Variants in DAPP1 observed in about 807,000 individuals in gnomAD.
DAPP1 encodes dual adapter for phosphotyrosine and 3-phosphotyrosine and 3-phosphoinositide.
Under a neutral mutation model 41.5 loss-of-function variants are expected in DAPP1, and 20 were observed. That is an observed-to-expected ratio of 0.48 (90% CI 0.34 to 0.70). DAPP1 has a LOEUF of 0.70. DAPP1 is among the 30% of genes least tolerant of loss of function. The pLI is 0.01. For synonymous variants in DAPP1, 113 were observed against 116.2 expected, an observed-to-expected ratio of 0.97 and a Z score of 0.18; for missense variants, 233 against 333.4, an observed-to-expected ratio of 0.70 and a Z score of 2.35.
chr4:99,838,755 A>G (rs137880423), intron 2 of DAPP1, among the ~76,000 whole-genome samples: 9 of 152,350 alleles, frequency 5.9e-5, no homozygotes, highest in Non-Finnish European at 1.3e-4. Flanking sequence ...CCTGCTGTAG[A>G]AGATTGAAAT....
At chr4:99,843,032 C>G (rs1723548547) in intron 3 of DAPP1, among the ~76,000 whole-genome samples, 2 of 152,164 alleles carry the variant, frequency 1.3e-5, no homozygotes, top group African/African-American at 2.4e-5. Flanking sequence ...AATGGACAAG[C>G]CCCTCCCAGG....
intron 2 of DAPP1, among the ~76,000 whole-genome samples, chr4:99,839,509 A>G (rs1358267235): frequency 1.3e-5 from 2 of 152,026 alleles, no homozygotes; most frequent in African/African-American, 4.8e-5. Flanking sequence ...TTCAGTAGGC[A>G]GTGGAACATG....
chr4:99,846,466 T>A (rs535458703), intron 3 of DAPP1, among the ~76,000 whole-genome samples: 4 of 152,236 alleles, frequency 2.6e-5, no homozygotes, highest in Non-Finnish European at 5.9e-5. Flanking sequence ...TTGTGAAGAT[T>A]GAATGAAATT....
chr4:99,819,554 G>C (rs2110131075), intron 1 of DAPP1, among the ~76,000 whole-genome samples: 1 of 152,212 alleles, frequency 6.6e-6, no homozygotes, highest in South Asian at 2.1e-4. Context: ...ACATTATAAT[G>C]ACTTTTTCTT....
At chr4:99,840,966 T>C (rs1343902302) in intron 3 of DAPP1, among the ~76,000 whole-genome samples, 2 of 152,076 alleles carry the variant, frequency 1.3e-5, no homozygotes, top group African/African-American at 4.8e-5. Flanking sequence ...CAGAAAAAAA[T>C]TCATGTGTAA....
At chr4:99,842,682 T>C (rs995951210) in intron 3 of DAPP1, among the ~76,000 whole-genome samples, 2 of 152,212 alleles carry the variant, frequency 1.3e-5, no homozygotes, top group Admixed American at 1.3e-4. Context: ...GGAGTCAGCA[T>C]TGCAGACTAT....
chr4:99,817,026 G>A lies in DAPP1; in HGVS notation c.101+12G>A. 6.3e-7 allele frequency: 1 copy of A among 1,583,738 alleles called. No individual in the cohort carries two copies. The highest frequency in any genetic ancestry group is 8.6e-7 in the Non-Finnish European group (1 of 1,164,314). On this transcript the variant is annotated intron_variant, in intron 1 of 8. Coordinates refer to ENST00000512369, the MANE Select transcript of DAPP1 (RefSeq NM_014395.3). Reference sequence around the variant, plus strand: ...CTCCAGGACTTGGGGTAAGGCAGCAGATCTCCTTTCAAAGTACCTAGTGGG... The same window carrying A: ...CTCCAGGACTTGGGGTAAGGCAGCAAATCTCCTTTCAAAGTACCTAGTGGG...
At chr4:99,829,024 C>T (rs1723034481) in intron 1 of DAPP1, among the ~76,000 whole-genome samples, 1 of 151,996 alleles carries the variant, frequency 6.6e-6, no homozygotes. Context: ...AAAAATGAAC[C>T]TATTCCCAAC....
At chr4:99,843,047 T>TC (rs977977702) in intron 3 of DAPP1, among the ~76,000 whole-genome samples, 7 of 152,226 alleles carry the variant, frequency 4.6e-5, no homozygotes, top group African/African-American at 1.7e-4. Context: ...CCCAGGGCTC[T>TC]CAACTTCAGA....
chr4:99,835,767 C>T lies in DAPP1; in HGVS notation c.224+22C>T, dbSNP rs147874376. On this transcript the variant is annotated intron_variant, in intron 2 of 8. Transcript: ENST00000512369. ...TGAGGTAAGGTGCTTCAGGGCTCTA[C>T]GACTTCAGCATGGGCTCCTCTGTCA... 1.3e-3 allele frequency: 2,026 copies of T among 1,610,448 alleles called. 26 individuals are homozygous for T. The African/African-American group carries it at 0.024, about 19-fold the overall frequency.
chr4:99,866,658 T>C, intron 8 of DAPP1: 1 of 759,230 alleles, frequency 1.3e-6, no homozygotes, highest in East Asian at 2.4e-5. Flanking sequence ...CTACTTGTTT[T>C]TCATGTGCTT....
chr4:99,855,126 G>C (rs1724000479), intron 4 of DAPP1, among the ~76,000 whole-genome samples: 1 of 152,112 alleles, frequency 6.6e-6, no homozygotes, highest in African/African-American at 2.4e-5. Flanking sequence ...AGGCAGAAAA[G>C]ACCAAAGAAC....
intron 1 of DAPP1, among the ~76,000 whole-genome samples, chr4:99,824,240 C>T (rs2110134334): frequency 6.6e-6 from 1 of 152,316 alleles, no homozygotes; most frequent in East Asian, 1.9e-4. Context: ...GTTTATTCAT[C>T]TTTGCCTTCT....
At chr4:99,862,288 T>G (rs1662771467) in intron 5 of DAPP1, among the ~76,000 whole-genome samples, 1 of 152,214 alleles carries the variant, frequency 6.6e-6, no homozygotes, top group African/African-American at 2.4e-5. Context: ...ACAGAGAGTA[T>G]TCATATTCAT....
At chr4:99,871,309 G>A (rs1409717659), downstream of DAPP1, among the ~76,000 whole-genome samples, 1 of 152,164 alleles carries the variant, frequency 6.6e-6, no homozygotes, top group African/African-American at 2.4e-5. Context: ...ACACAGCAGA[G>A]TGCCAGGCTG....
chr4:99,860,263 T>C (rs942533773), intron 4 of DAPP1, among the ~76,000 whole-genome samples: 2 of 152,246 alleles, frequency 1.3e-5, no homozygotes, highest in Non-Finnish European at 2.9e-5. Context: ...ACTACACTTA[T>C]AGTACATTGT....
intron 2 of DAPP1, among the ~76,000 whole-genome samples, chr4:99,840,083 A>C (rs1210916191): frequency 6.6e-6 from 1 of 152,114 alleles, no homozygotes; most frequent in African/African-American, 2.4e-5. Flanking sequence ...TAAATAAATG[A>C]ATTAATTAAT....
intron 1 of DAPP1, among the ~76,000 whole-genome samples, chr4:99,825,772 A>G (rs1383680309): frequency 6.6e-6 from 1 of 152,086 alleles, no homozygotes; most frequent in Non-Finnish European, 1.5e-5. Context: ...GATTCCCTCT[A>G]TTTGAACAGG....
chr4:99,851,680 A>G (rs1438035439), intron 3 of DAPP1, among the ~76,000 whole-genome samples: 1 of 151,588 alleles, frequency 6.6e-6, no homozygotes, highest in Non-Finnish European at 1.5e-5. Context: ...AGCTGAGACT[A>G]CAGGTGCCTG....
Sources: gnomAD v4.1 joint callset for allele counts (sites outside exome capture counted in the v4.1 genomes callset) on GRCh38, gnomAD v4.1.1 for gene constraint, MANE v1.5 for transcripts, NCBI Gene and HGNC (gene_info 2026-07-23, HGNC 2026-07-21) for gene names.